DLEU7: variants seen among roughly 807,000 people sequenced by gnomAD.
DLEU7 encodes the protein deleted in lymphocytic leukemia 7, also known as leukemia-associated protein 7.
DLEU7 carries 17 observed loss-of-function variants against 16.0 expected under a neutral mutation model. That is an observed-to-expected ratio of 1.06 (90% confidence interval 0.73 to 1.59). The LOEUF is 1.59. Ranked by LOEUF, DLEU7 falls within the 40% of genes most tolerant of loss-of-function variation. The pLI is 0.00. For synonymous variants in DLEU7, 113 were observed against 139.8 expected (o/e 0.81, Z 1.35); for missense variants, 308 against 314.9 (o/e 0.98, Z 0.17).
chr13:50,837,544 C>T (rs1372959446), intron 1 of DLEU7, among the ~76,000 whole-genome samples: 7 of 152,172 alleles, frequency 4.6e-5, no homozygotes, highest in African/African-American at 1.4e-4. Context: ...CATCACTGCA[C>T]CTTTTTTCTA....
intron 1 of DLEU7, among the ~76,000 whole-genome samples, chr13:50,799,679 C>T (rs760341889): frequency 7.9e-5 from 12 of 152,252 alleles, no homozygotes; most frequent in Non-Finnish European, 1.2e-4. Flanking sequence ...CTCTACAAGA[C>T]GACTGCTACA....
chr13:50,758,502 G>T (rs1156344068), intron 1 of DLEU7, among the ~76,000 whole-genome samples: 1 of 152,206 alleles, frequency 6.6e-6, no homozygotes, highest in African/African-American at 2.4e-5. Flanking sequence ...GTATTTCTCA[G>T]CTGGGTGCCT....
chr13:50,798,446 G>A (rs1443783905), intron 1 of DLEU7, among the ~76,000 whole-genome samples: 3 of 152,156 alleles, frequency 2.0e-5, no homozygotes, highest in Non-Finnish European at 2.9e-5. Context: ...TGCCATAGAC[G>A]TTCAAGGTGG....
intron 1 of DLEU7, among the ~76,000 whole-genome samples, chr13:50,833,833 A>C (rs1286641387): frequency 6.6e-6 from 1 of 152,246 alleles, no homozygotes; most frequent in African/African-American, 2.4e-5. Context: ...TACTGGTACC[A>C]AAACAGATAT....
chr13:50,714,703 C>T (rs971108272), intron 1 of DLEU7, among the ~76,000 whole-genome samples: 3 of 152,124 alleles, frequency 2.0e-5, no homozygotes, highest in Non-Finnish European at 4.4e-5. Context: ...GCTTCCTCCT[C>T]CCTTCTCATG....
chr13:50,817,364 G>A (rs1183996880), intron 1 of DLEU7, among the ~76,000 whole-genome samples: 1 of 152,118 alleles, frequency 6.6e-6, no homozygotes, highest in Non-Finnish European at 1.5e-5. Flanking sequence ...ATCCAACAAA[G>A]GTAAAGCTCT....
chr13:50,811,861 G>T (rs1177216555), intron 1 of DLEU7, among the ~76,000 whole-genome samples: 1 of 152,058 alleles, frequency 6.6e-6, no homozygotes, highest in African/African-American at 2.4e-5. Context: ...TTGAGGTCAG[G>T]AGTTAGAGAC....
chr13:50,773,932 C>G (rs116916553), intron 1 of DLEU7, among the ~76,000 whole-genome samples: 1 of 152,194 alleles, frequency 6.6e-6, no homozygotes, highest in Non-Finnish European at 1.5e-5. Context: ...CCAGTTTGAG[C>G]TTCCAGGCCA....
rs1877751806 is a variant in DLEU7 at position 50,843,455 on chromosome 13, C to CCCGGGCCCCGG, written c.181_191dup (p.Glu66GlyfsTer29). The CCCGGGCCCCGG allele has an allele frequency of 1.5e-6, 2 of 1,322,572 alleles. No homozygotes were observed. Among genetic ancestry groups the CCCGGGCCCCGG allele is most frequent in the South Asian group, 2.2e-5 (1 of 44,832 alleles). 81.9% of individuals were successfully genotyped at this position (1,322,572 alleles called of 1,614,324 possible). On this transcript the variant is annotated frameshift_variant, in exon 1 of 2. Coordinates refer to ENST00000504404, the MANE Select transcript of DLEU7 (RefSeq NM_001306135.2). LOFTEE classifies it high-confidence loss of function. The surrounding 1 kb of genome is among the most constrained non-coding windows in gnomAD (Gnocchi z 5.7). ...CCACGCCCCCGCCCCGCTCCTCGCG[C>CCCGGGCCCCGG]CCGGGCCCCGGCCGGGCCCGCGGCG...
intron 1 of DLEU7, among the ~76,000 whole-genome samples, chr13:50,790,554 C>G (rs1322042313): frequency 6.6e-6 from 1 of 152,046 alleles, no homozygotes; most frequent in Non-Finnish European, 1.5e-5. Context: ...AGAGACAGCT[C>G]TGAGGAATCC....
chr13:50,751,372 C>T (rs1020223549), intron 1 of DLEU7, among the ~76,000 whole-genome samples: 5 of 152,044 alleles, frequency 3.3e-5, no homozygotes, highest in Admixed American at 6.5e-5. Context: ...GTTCATCAGG[C>T]GTATCAGTCT....
At chr13:50,834,691 G>T (rs1877393211) in intron 1 of DLEU7, among the ~76,000 whole-genome samples, 1 of 152,078 alleles carries the variant, frequency 6.6e-6, no homozygotes, top group Non-Finnish European at 1.5e-5. Flanking sequence ...CCCATTACTG[G>T]TTATACACCC....
At chr13:50,828,814 C>G (rs115790748) in intron 1 of DLEU7, among the ~76,000 whole-genome samples, 2,406 of 152,286 alleles carry the variant, frequency 0.016, 60 homozygotes, top group African/African-American at 0.053. Flanking sequence ...ACTTAGCAAA[C>G]AGTGGCAGCA....
intron 1 of DLEU7, among the ~76,000 whole-genome samples, chr13:50,720,496 A>C (rs1303144153): frequency 6.6e-6 from 1 of 152,236 alleles, no homozygotes; most frequent in African/African-American, 2.4e-5. Context: ...TGCAACATGC[A>C]ACCTGTGTGA....
intron 1 of DLEU7, among the ~76,000 whole-genome samples, chr13:50,827,998 A>G (rs1387689876): frequency 6.6e-6 from 1 of 152,214 alleles, no homozygotes; most frequent in African/African-American, 2.4e-5. Context: ...AAAAATCATT[A>G]TTTGGGATGA....
chr13:50,738,906 T>G (rs1874160468), intron 1 of DLEU7, among the ~76,000 whole-genome samples: 5 of 151,934 alleles, frequency 3.3e-5, no homozygotes, highest in African/African-American at 7.3e-5. Flanking sequence ...CTGGTCCCTT[T>G]CTACCTCTCT....
intron 1 of DLEU7, chr13:50,813,106 C>T (rs1301841974): frequency 6.6e-6 from 1 of 152,098 alleles, no homozygotes; most frequent in Non-Finnish European, 1.5e-5. Context: ...TGGCGGTAGA[C>T]TAAGATTTTT....
rs186899942 is a variant in DLEU7, at chr13:50,771,547, G to T, written c.460-58307C>A. On this transcript the variant is annotated intron_variant, in intron 1 of 1. Transcript: ENST00000400393. ...CCCAGTAGTCATTCAGGAGCAGGTT[G>T]TTCAGTTTCCATGTAGTTGTGCAGT... 5.2e-3 allele frequency among the ~76,000 whole-genome samples: 794 copies of T among 152,318 alleles called. 4 individuals are homozygous for T. Among genetic ancestry groups the T allele is most frequent in the African/African-American group, 0.018 (761 of 41,564 alleles).
intron 1 of DLEU7, among the ~76,000 whole-genome samples, chr13:50,797,853 G>T (rs1183168423): frequency 6.6e-6 from 1 of 152,106 alleles, no homozygotes; most frequent in Non-Finnish European, 1.5e-5. Flanking sequence ...AGAATTTAAT[G>T]GGGGCCACAG....
Sources: gnomAD v4.1 joint callset for allele counts (sites outside exome capture counted in the v4.1 genomes callset) on GRCh38, gnomAD v4.1.1 for gene constraint, Gnocchi (gnomAD v3.1) non-coding constraint, MANE v1.5 for transcripts, NCBI Gene and HGNC (gene_info 2026-07-23, HGNC 2026-07-21) for gene names.